The following IL18RAP variants were observed in gnomAD, a reference collection of about 807,000 sequenced individuals.
The protein encoded by IL18RAP is interleukin 18 receptor accessory protein.
Under a neutral mutation model 58.1 loss-of-function variants are expected in IL18RAP, and 37 were observed. That is an observed-to-expected ratio of 0.64 (90% CI 0.49 to 0.84). The LOEUF (loss-of-function observed/expected upper bound fraction) is 0.84, where lower values mean the gene tolerates loss of function less well. Among genes scored for constraint, IL18RAP ranks in the 40% least tolerant of loss-of-function variants. The pLI is 0.00. For synonymous variants in IL18RAP, 268 were observed against 257.5 expected, an observed-to-expected ratio of 1.04 and a Z score of -0.39; for missense variants, 667 against 704.8, an observed-to-expected ratio of 0.95 and a Z score of 0.61.
At chr2:102,445,749 G>C (rs761163137) in intron 7 of IL18RAP, among the ~76,000 whole-genome samples, 1 of 152,006 alleles carries the variant, frequency 6.6e-6, no homozygotes, top group East Asian at 1.9e-4. Context: ...GTTCTGATGA[G>C]TGGAGAATGG....
upstream of IL18RAP, among the ~76,000 whole-genome samples, chr2:102,422,084 C>T (rs898367638): frequency 5.3e-5 from 8 of 152,112 alleles, no homozygotes; most frequent in African/African-American, 1.7e-4. Flanking sequence ...GGTTCTTCCC[C>T]GCTTCCCACA....
In IL18RAP at chr2:102,448,023, C is replaced by T. The variant is rs188351476; in HGVS notation, c.1210+816C>T. Among the ~76,000 whole-genome samples, 789 of 152,228 alleles carry T rather than the reference C, an allele frequency of 5.2e-3. 3 individuals are homozygous for T. The highest frequency in any genetic ancestry group is 7.2e-3 in the Non-Finnish European group (488 of 68,024). On this transcript the variant is annotated intron_variant, in intron 8 of 9. Transcript: ENST00000687160. ...TGCTGGGATTACAGCCGTGAGCCAC[C>T]GTGCCCAGCCACATTAAGTATTTAG...
At chr2:102,448,853 T>C (rs1001944124) in intron 8 of IL18RAP, among the ~76,000 whole-genome samples, 20 of 151,344 alleles carry the variant, frequency 1.3e-4, no homozygotes, top group African/African-American at 4.9e-4. Flanking sequence ...TCCAGCTACT[T>C]AGGAGGCTGA....
chr2:102,422,304 C>T (rs891053885), upstream of IL18RAP, among the ~76,000 whole-genome samples: 1 of 152,244 alleles, frequency 6.6e-6, no homozygotes, highest in Non-Finnish European at 1.5e-5. Flanking sequence ...CTCTGCTCTG[C>T]TCCTTGCATT....
intron 3 of IL18RAP, chr2:102,435,023 A>C (rs1340473850): frequency 6.6e-6 from 1 of 152,238 alleles, no homozygotes; most frequent in Non-Finnish European, 1.5e-5. Flanking sequence ...GTAAAAAAAA[A>C]ATCTATCAAT....
intron 3 of IL18RAP, among the ~76,000 whole-genome samples, chr2:102,429,552 C>T (rs1423057003): frequency 6.6e-6 from 1 of 151,482 alleles, no homozygotes. Flanking sequence ...TATTGTTTTT[C>T]TAATCTCTGT....
chr2:102,444,037 A>C (rs1683268696), intron 6 of IL18RAP, among the ~76,000 whole-genome samples: 1 of 152,236 alleles, frequency 6.6e-6, no homozygotes, highest in South Asian at 2.1e-4. Flanking sequence ...AGTGATGTCC[A>C]ATCAGATGTG....
At chr2:102,449,549 T>A (rs1683637001) in intron 8 of IL18RAP, among the ~76,000 whole-genome samples, 1 of 152,090 alleles carries the variant, frequency 6.6e-6, no homozygotes, top group African/African-American at 2.4e-5. Context: ...CAGAATCCAG[T>A]TTTCAAGCAC....
intron 3 of IL18RAP, among the ~76,000 whole-genome samples, chr2:102,426,973 T>C (rs1007309315): frequency 2.0e-5 from 3 of 152,092 alleles, no homozygotes; most frequent in African/African-American, 7.2e-5. Flanking sequence ...GAGTTCAACT[T>C]TTTAAGGTTC....
chr2:102,425,188 G>A (rs1480272799), intron 3 of IL18RAP, among the ~76,000 whole-genome samples: 1 of 152,100 alleles, frequency 6.6e-6, no homozygotes, highest in East Asian at 1.9e-4. Context: ...TCAATACTTT[G>A]TCTTCAAAGT....
intron 8 of IL18RAP, 86 bp from the exon 9 acceptor site, chr2:102,450,762 A>G (rs1573307975): frequency 1.4e-6 from 1 of 698,534 alleles, no homozygotes; most frequent in East Asian, 3.0e-5. Flanking sequence ...TTCATTTACC[A>G]TATGATTCAA....
chr2:102,437,930 G>T (rs906938147), intron 4 of IL18RAP, among the ~76,000 whole-genome samples: 1 of 152,116 alleles, frequency 6.6e-6, no homozygotes, highest in African/African-American at 2.4e-5. Context: ...TAAACACTTG[G>T]TATTTTATTA....
At chr2:102,422,881 C>T (rs1308568166), upstream of IL18RAP, among the ~76,000 whole-genome samples, 1 of 151,976 alleles carries the variant, frequency 6.6e-6, no homozygotes, top group Non-Finnish European at 1.5e-5. Context: ...TAACTCTTTT[C>T]AAATTACTCA....
chr2:102,423,411 A>G, intron 1 of IL18RAP, 64 bp downstream of exon 1: 1 of 1,296,322 alleles, frequency 7.7e-7, no homozygotes, highest in Non-Finnish European at 1.1e-6. Flanking sequence ...GTGATGGATA[A>G]CCTGATATAT....
At chr2:102,428,716 C>T (rs1682133619) in intron 3 of IL18RAP, among the ~76,000 whole-genome samples, 1 of 151,864 alleles carries the variant, frequency 6.6e-6, no homozygotes, top group Non-Finnish European at 1.5e-5. Flanking sequence ...TGCCTAATTG[C>T]TCTGGCTAGG....
At chr2:102,423,448 C>A in intron 1 of IL18RAP, 101 bp downstream of exon 1, 2 of 995,298 alleles carry the variant, frequency 2.0e-6, no homozygotes, top group South Asian at 1.3e-5. Context: ...TAATACAAAC[C>A]TTTCCATCCT....
Position 102,451,855 on chromosome 2 carries a change from T to G in IL18RAP, c.1474T>G (p.Phe492Val). 1 of 1,614,168 alleles carries G rather than the reference T, an allele frequency of 6.2e-7. No homozygotes were observed. The highest frequency in any genetic ancestry group is 8.5e-7 in the Non-Finnish European group (1 of 1,179,984). Residue 492 changes from phenylalanine to valine, a missense_variant, in exon 10 of 10, where the codon TTT (phenylalanine) becomes GTT (valine). Physicochemically the swap from Phe to Val is conservative, Grantham distance 50. Transcript: ENST00000687160. ...SPNYVNGPSI[F>V]ELQAAVNLAL... ...CAACTATGTCAATGGACCCAGTATC[T>G]TTGAACTACAAGCAGCAGTGAATCT...
chr2:102,444,957 G>A (rs965081008), intron 6 of IL18RAP, among the ~76,000 whole-genome samples: 1 of 152,158 alleles, frequency 6.6e-6, no homozygotes, highest in African/African-American at 2.4e-5. Flanking sequence ...AGTAAGGAAG[G>A]TCAGATGAGT....
intron 4 of IL18RAP, chr2:102,440,533 T>C (rs968979457): frequency 1.3e-5 from 2 of 152,094 alleles, no homozygotes; most frequent in African/African-American, 4.8e-5. Flanking sequence ...GGAGAATAAG[T>C]GAGGCTGGGA....
Sources: gnomAD v4.1 joint callset for allele counts (sites outside exome capture counted in the v4.1 genomes callset) on GRCh38, gnomAD v4.1.1 for gene constraint, MANE v1.5 for transcripts, NCBI Gene and HGNC (gene_info 2026-07-23, HGNC 2026-07-21) for gene names.